TEX9: variants seen among roughly 807,000 people sequenced by gnomAD.
The protein encoded by TEX9 is testis-expressed protein 9.
In TEX9, 74 loss-of-function variants were observed where a neutral mutation model predicts 59.6. The ratio of observed to expected loss-of-function variants is 1.24; its 90% CI spans 1.03 to 1.51. The LOEUF (loss-of-function observed/expected upper bound fraction) is 1.51, where lower values mean the gene tolerates loss of function less well. TEX9 is among the 40% of genes most tolerant of loss of function. The pLI is 0.00. For missense variants in TEX9, 522 were observed against 447.8 expected (o/e 1.17, Z -1.49); for synonymous variants, 186 against 152.2 (o/e 1.22, Z -1.64).
At chr15:56,264,344 T>A (rs1035089737) in intron 1 of TEX9, among the ~76,000 whole-genome samples, 3 of 152,196 alleles carry the variant, frequency 2.0e-5, no homozygotes, top group Non-Finnish European at 4.4e-5. Flanking sequence ...GTAGAACACC[T>A]TTTTATGTCC....
At chr15:56,268,377 A>G (rs1458141631) in intron 1 of TEX9, among the ~76,000 whole-genome samples, 1 of 152,136 alleles carries the variant, frequency 6.6e-6, no homozygotes, top group East Asian at 1.9e-4. Context: ...TAAGAGTGGT[A>G]AGAGAGGGAA....
chr15:56,371,819 TACTC>T (rs1328609480), intron 2 of TEX9, among the ~76,000 whole-genome samples: 5 of 152,234 alleles, frequency 3.3e-5, no homozygotes, highest in African/African-American at 1.2e-4. Flanking sequence ...TTGTTTTAAT[TACTC>T]ACAAGAGAAT....
At chr15:56,331,539 T>C (rs1481631356) in intron 1 of TEX9, among the ~76,000 whole-genome samples, 5 of 152,092 alleles carry the variant, frequency 3.3e-5, no homozygotes, top group African/African-American at 1.2e-4. Context: ...TTAAACAATA[T>C]GCTCCTGAAT....
At chr15:56,395,265 T>G (rs1462796728) in intron 9 of TEX9, 1 of 165,666 alleles carries the variant, frequency 6.0e-6, no homozygotes, top group Non-Finnish European at 1.3e-5. Flanking sequence ...ACTTAAGATA[T>G]TTTCAAGGTT....
At chr15:56,399,518 C>T (rs988064598) in intron 9 of TEX9, among the ~76,000 whole-genome samples, 2 of 152,250 alleles carry the variant, frequency 1.3e-5, no homozygotes, top group African/African-American at 4.8e-5. Flanking sequence ...ATAGACTCCA[C>T]CTCTGTAGGC....
At chr15:56,265,990 C>G (rs1447507722) in intron 1 of TEX9, among the ~76,000 whole-genome samples, 1 of 152,132 alleles carries the variant, frequency 6.6e-6, no homozygotes, top group African/African-American at 2.4e-5. Flanking sequence ...AGCCACCAAC[C>G]ATAATTTTGG....
At chr15:56,285,193 A>G (rs780984281) in intron 1 of TEX9, among the ~76,000 whole-genome samples, 6 of 152,058 alleles carry the variant, frequency 3.9e-5, no homozygotes, top group Non-Finnish European at 5.9e-5. Flanking sequence ...TGCTAGTTGC[A>G]GTCTCTTGAT....
intron 1 of TEX9, among the ~76,000 whole-genome samples, chr15:56,315,325 A>T (rs2045728598): frequency 7.0e-6 from 1 of 143,086 alleles, no homozygotes; most frequent in Non-Finnish European, 1.5e-5. Flanking sequence ...TTCCTTCAGG[A>T]GCTCTTGTAA....
chr15:56,378,759 T>G (rs1273047623), intron 3 of TEX9, among the ~76,000 whole-genome samples: 1 of 152,132 alleles, frequency 6.6e-6, no homozygotes, highest in Admixed American at 6.6e-5. Context: ...GTTCTTGCTT[T>G]TCTGGTTCTT....
chr15:56,413,063 C>A (rs2049442552), intron 10 of TEX9, among the ~76,000 whole-genome samples: 1 of 152,008 alleles, frequency 6.6e-6, no homozygotes, highest in South Asian at 2.1e-4. Flanking sequence ...AATGAAAGTT[C>A]AAATACCAAT....
intron 4 of TEX9, among the ~76,000 whole-genome samples, chr15:56,385,504 A>G (rs552084192): frequency 1.3e-5 from 2 of 152,258 alleles, no homozygotes; most frequent in African/African-American, 2.4e-5. Context: ...AGACCTAACT[A>G]AAGTTATAGT....
At chr15:56,246,002 G>A (rs149606458) in intron 1 of TEX9, among the ~76,000 whole-genome samples, 1 of 152,252 alleles carries the variant, frequency 6.6e-6, no homozygotes, top group East Asian at 1.9e-4. Context: ...AGATCCTTAG[G>A]AAGTGGGAGA....
intron 12 of TEX9, chr15:56,443,964 G>A: frequency 2.4e-6 from 2 of 841,956 alleles, no homozygotes; most frequent in Non-Finnish European, 3.5e-6. Flanking sequence ...TTTCATTCGT[G>A]CATGCAACAA....
intron 1 of TEX9, among the ~76,000 whole-genome samples, chr15:56,266,814 T>C (rs1166954794): frequency 1.3e-5 from 2 of 152,248 alleles, no homozygotes; most frequent in Non-Finnish European, 2.9e-5. Flanking sequence ...TATAGCAGCA[T>C]GATTTATAAT....
intron 12 of TEX9, among the ~76,000 whole-genome samples, chr15:56,436,506 A>G (rs1438999068): frequency 5.3e-5 from 8 of 152,206 alleles, no homozygotes; most frequent in African/African-American, 1.9e-4. Flanking sequence ...AAAAATCAGG[A>G]AAGATCTAAA....
At chr15:56,253,592 A>C (rs1336166798) in intron 1 of TEX9, among the ~76,000 whole-genome samples, 1 of 152,130 alleles carries the variant, frequency 6.6e-6, no homozygotes, top group Non-Finnish European at 1.5e-5. Context: ...CTACTCTCAG[A>C]AGGGTTCTCT....
the TEX9 span, among the ~76,000 whole-genome samples, chr15:56,460,008 A>AT: frequency 1.2e-3 from 69 of 55,780 alleles, 3 homozygotes; most frequent in East Asian, 5.0e-3. Flanking sequence ...AAAAAAAAAA[A>AT]AATACATATA....
At chr15:56,365,457 G>C (rs1567099862) in exon 1 of TEX9, 1 of 1,611,294 alleles carries the variant, frequency 6.2e-7, no homozygotes, top group African/African-American at 1.3e-5. Flanking sequence ...GAAGATGGCG[G>C]GGCGAAGTCT....
chr15:56,320,801 C>G (rs1400988290), intron 1 of TEX9, among the ~76,000 whole-genome samples: 1 of 152,174 alleles, frequency 6.6e-6, no homozygotes, highest in Non-Finnish European at 1.5e-5. Context: ...CCTGGCAAAC[C>G]TGGCCATATG....
Sources: allele counts gnomAD v4.1 joint callset (sites outside exome capture counted in the v4.1 genomes callset), GRCh38; gene constraint gnomAD v4.1.1; transcripts MANE v1.5; gene names NCBI Gene and HGNC (gene_info 2026-07-23, HGNC 2026-07-21).